RPS6KC1: variants seen among roughly 807,000 people sequenced by gnomAD.
RPS6KC1 encodes the protein ribosomal protein S6 kinase C1.
Under a neutral mutation model 103.8 loss-of-function variants are expected in RPS6KC1, and 54 were observed. The observed-to-expected ratio is 0.52, with a 90% confidence interval of 0.42 to 0.65. The LOEUF (loss-of-function observed/expected upper bound fraction) is 0.65. Among genes scored for constraint, RPS6KC1 ranks in the 30% least tolerant of loss-of-function variants. RPS6KC1 has a pLI of 0.00. For synonymous variants in RPS6KC1, 439 were observed against 438.7 expected (o/e 1.00, Z -0.01); for missense variants, 1,151 against 1,253.8 (o/e 0.92, Z 1.24).
the RPS6KC1 span, among the ~76,000 whole-genome samples, chr1:213,352,694 GT>G: frequency 5.3e-5 from 8 of 152,202 alleles, no homozygotes; most frequent in Non-Finnish European, 8.8e-5. Flanking sequence ...GTCAATCAGA[GT>G]TTAACCCAGT....
chr1:213,862,527 T>G, the RPS6KC1 span, among the ~76,000 whole-genome samples: 1 of 152,174 alleles, frequency 6.6e-6, no homozygotes, highest in Non-Finnish European at 1.5e-5. Flanking sequence ...TTTTTTCTAC[T>G]CTGCTTTTGC....
At chr1:213,656,170 A>C in the RPS6KC1 span, among the ~76,000 whole-genome samples, 3 of 152,192 alleles carry the variant, frequency 2.0e-5, no homozygotes, top group Admixed American at 2.0e-4. Flanking sequence ...AGGCCATGTA[A>C]CACAAAGCAG....
the RPS6KC1 span, among the ~76,000 whole-genome samples, chr1:213,683,158 C>T: frequency 6.6e-6 from 1 of 152,280 alleles, no homozygotes; most frequent in South Asian, 2.1e-4. Flanking sequence ...GTGCTCCAAG[C>T]AAGTAAGTTC....
At chr1:213,448,113 G>A in the RPS6KC1 span, among the ~76,000 whole-genome samples, 2 of 151,024 alleles carry the variant, frequency 1.3e-5, no homozygotes, top group Admixed American at 6.6e-5. Context: ...TGGAATGTGC[G>A]TGTAGTCCCA....
chr1:213,376,542 G>A, the RPS6KC1 span, among the ~76,000 whole-genome samples: 1 of 151,780 alleles, frequency 6.6e-6, no homozygotes, highest in Non-Finnish European at 1.5e-5. Flanking sequence ...AAAAGATATG[G>A]TCCCACAGTT....
the RPS6KC1 span, among the ~76,000 whole-genome samples, chr1:213,650,270 T>C: frequency 2.0e-5 from 3 of 152,170 alleles, no homozygotes; most frequent in Non-Finnish European, 4.4e-5. Flanking sequence ...TCATACACAC[T>C]TATGTGTTAT....
chr1:213,412,890 C>A, the RPS6KC1 span, among the ~76,000 whole-genome samples: 1 of 152,232 alleles, frequency 6.6e-6, no homozygotes, highest in African/African-American at 2.4e-5. Context: ...GAAACACTCC[C>A]CCCAGCCACA....
chr1:213,256,409 G>A (rs141982756), intron 12 of RPS6KC1, among the ~76,000 whole-genome samples: 77 of 152,228 alleles, frequency 5.1e-4, no homozygotes, highest in African/African-American at 1.8e-3. Context: ...CAAGCCCACT[G>A]AGGAGTGGGA....
At chr1:213,730,883 T>A in the RPS6KC1 span, among the ~76,000 whole-genome samples, 1 of 152,248 alleles carries the variant, frequency 6.6e-6, no homozygotes, top group South Asian at 2.1e-4. Flanking sequence ...CTAGGTTGTT[T>A]TCCAGGGTTT....
the RPS6KC1 span, among the ~76,000 whole-genome samples, chr1:213,848,343 G>C: frequency 1.3e-5 from 2 of 152,174 alleles, no homozygotes; most frequent in South Asian, 4.2e-4. Flanking sequence ...GCTTTTTGCT[G>C]TTACAGATTA....
chr1:213,105,162 G>T (rs1342624266), intron 4 of RPS6KC1, among the ~76,000 whole-genome samples: 1 of 150,744 alleles, frequency 6.6e-6, no homozygotes, highest in Non-Finnish European at 1.5e-5. Flanking sequence ...TATTACTGGA[G>T]ATCATTGGAT....
the RPS6KC1 span, among the ~76,000 whole-genome samples, chr1:213,721,934 A>AGCCT: frequency 6.6e-6 from 1 of 152,168 alleles, no homozygotes; most frequent in African/African-American, 2.4e-5. Flanking sequence ...AGAAACACTT[A>AGCCT]GCCTGGGTGA....
At chr1:213,573,545 A>G in the RPS6KC1 span, among the ~76,000 whole-genome samples, 35,734 of 152,186 alleles carry the variant, frequency 0.23, 4,371 homozygotes, top group East Asian at 0.4. Context: ...CAGTGAAAAG[A>G]AGCAGGGAAA....
At chr1:213,453,439 G>A in the RPS6KC1 span, among the ~76,000 whole-genome samples, 1 of 152,078 alleles carries the variant, frequency 6.6e-6, no homozygotes, top group South Asian at 2.1e-4. Context: ...GCACAGGAGA[G>A]ACTTTTAAGG....
intron 8 of RPS6KC1, among the ~76,000 whole-genome samples, chr1:213,184,900 C>T (rs899857003): frequency 1.3e-5 from 2 of 151,942 alleles, no homozygotes; most frequent in Admixed American, 6.6e-5. Context: ...GTTTTATGGC[C>T]TATTTTGTGG....
At chr1:213,579,696 TGGAACTG>T in the RPS6KC1 span, among the ~76,000 whole-genome samples, 1 of 152,040 alleles carries the variant, frequency 6.6e-6, no homozygotes, top group African/African-American at 2.4e-5. Flanking sequence ...GACTTAGAGT[TGGAACTG>T]ATGCTCATTT....
the RPS6KC1 span, among the ~76,000 whole-genome samples, chr1:213,589,176 C>G: frequency 1.1e-3 from 175 of 152,306 alleles, no homozygotes; most frequent in Non-Finnish European, 1.9e-3. Context: ...TTTTAGGCAG[C>G]ATGTGCATCA....
At chr1:213,529,266 T>C in the RPS6KC1 span, among the ~76,000 whole-genome samples, 43 of 152,046 alleles carry the variant, frequency 2.8e-4, no homozygotes, top group African/African-American at 9.4e-4. Flanking sequence ...GGAAGAACAA[T>C]GTTTCAAATG....
the RPS6KC1 span, among the ~76,000 whole-genome samples, chr1:213,763,737 T>A: frequency 1.3e-5 from 2 of 152,190 alleles, no homozygotes; most frequent in African/African-American, 4.8e-5. Flanking sequence ...CCACAATGAT[T>A]TTCTTCCATA....
Sources: allele counts gnomAD v4.1 joint callset (sites outside exome capture counted in the v4.1 genomes callset), GRCh38; gene constraint gnomAD v4.1.1; transcripts MANE v1.5; gene names NCBI Gene and HGNC (gene_info 2026-07-23, HGNC 2026-07-21).